DEAF1: variants seen among roughly 807,000 people sequenced by gnomAD.
DEAF1 encodes DEAF1 transcription factor.
Under a neutral mutation model 58.9 loss-of-function variants are expected in DEAF1, and 53 were observed. The observed-to-expected ratio is 0.90, with a 90% CI of 0.72 to 1.13. The LOEUF is 1.13. Among genes scored for constraint, DEAF1 ranks in the 50% most tolerant of loss-of-function variants. The pLI, the probability that DEAF1 is intolerant of heterozygous loss-of-function variation, is 0.00. For synonymous variants in DEAF1, 385 were observed against 340.4 expected (o/e 1.13, Z -1.44); for missense variants, 685 against 791.4 (o/e 0.87, Z 1.61).
chr11:682,095 C>G (rs1029945700), intron 6 of DEAF1, among the ~76,000 whole-genome samples: 10 of 152,258 alleles, frequency 6.6e-5, no homozygotes, highest in African/African-American at 2.4e-4. Context: ...CCTGGGGCGG[C>G]CTCGGCTGCT....
upstream of DEAF1, chr11:700,152 T>G: frequency 6.2e-7 from 1 of 1,614,114 alleles, no homozygotes; most frequent in Non-Finnish European, 8.5e-7. Context: ...CTCTCTTCAG[T>G]TCCCCTTCAA....
Position 644,293 on chromosome 11 carries a change from C to T in DEAF1, c.*257G>A. 1.7e-6 allele frequency: 1 copy of T among 585,232 alleles called. No homozygotes were observed. The highest frequency in any genetic ancestry group is 3.1e-6 in the Non-Finnish European group (1 of 325,832). The allele number at this position is 585,232 out of a possible 1,614,324, so 36.3% of individuals were successfully genotyped here. A position where few individuals can be genotyped will look rare whatever the true frequency, so the allele number is the denominator to read the frequency against. On this transcript the variant is annotated 3_prime_UTR_variant, in exon 12 of 12. Coordinates refer to ENST00000382409, the MANE Select transcript of DEAF1 (RefSeq NM_021008.4). This position sits in a 1 kb window ranked among gnomAD's most constrained non-coding sequence, Gnocchi z 4.3. The stretch of plus-strand genomic sequence containing the variant: ...TATGTATGTGCGTCGCAGCACAGGC[C>T]CTGTGGGCAAGACCGGACGCTCATG...
upstream of DEAF1, among the ~76,000 whole-genome samples, chr11:698,274 C>T (rs1022675079): frequency 6.6e-6 from 1 of 152,050 alleles, no homozygotes; most frequent in Non-Finnish European, 1.5e-5. Context: ...AGAGACTCCA[C>T]TCACTCCTCG....
chr11:695,403 C>G, upstream of DEAF1: 2 of 422,220 alleles, frequency 4.7e-6, no homozygotes. Context: ...TCGGCCCCTG[C>G]TCTCCTCACT....
intron 1 of DEAF1, among the ~76,000 whole-genome samples, chr11:692,696 T>C (rs1196917626): frequency 6.6e-6 from 1 of 151,662 alleles, no homozygotes; most frequent in Admixed American, 6.6e-5. Context: ...CTACTAAAAA[T>C]ACAAAATTAG....
At chr11:659,546 G>A (rs751728151) in intron 10 of DEAF1, among the ~76,000 whole-genome samples, 51 of 152,198 alleles carry the variant, frequency 3.4e-4, no homozygotes, top group Non-Finnish European at 5.4e-4. Context: ...CAGGAGCCTC[G>A]ATGGAGCCAA....
At chr11:656,589 C>T (rs1466421330) in intron 10 of DEAF1, among the ~76,000 whole-genome samples, 2 of 152,244 alleles carry the variant, frequency 1.3e-5, no homozygotes, top group Non-Finnish European at 2.9e-5. Flanking sequence ...GGTCCAGCCC[C>T]TCACAGACAG....
At chr11:652,596 C>T (rs1858827674) in intron 11 of DEAF1, among the ~76,000 whole-genome samples, 1 of 151,526 alleles carries the variant, frequency 6.6e-6, no homozygotes, top group African/African-American at 2.4e-5. Context: ...CGAGATCTTG[C>T]CACTGCACTC....
intron 1 of DEAF1, chr11:700,603 T>A (rs750407388): frequency 6.2e-7 from 1 of 1,612,528 alleles, no homozygotes; most frequent in South Asian, 1.1e-5. Flanking sequence ...CGTCCGCGCC[T>A]CTGCTCTTCA....
chr11:687,222 AGT>A (rs1337301238), intron 4 of DEAF1, among the ~76,000 whole-genome samples: 3 of 152,186 alleles, frequency 2.0e-5, no homozygotes, highest in Non-Finnish European at 4.4e-5. Context: ...GTCCACAGGC[AGT>A]GCAAGCTCAA....
intron 11 of DEAF1, among the ~76,000 whole-genome samples, chr11:649,290 C>T (rs574495391): frequency 1.3e-5 from 2 of 151,074 alleles, no homozygotes; most frequent in Admixed American, 6.6e-5. Context: ...GGCATGGTGG[C>T]GGGTGCCTGT....
chr11:671,916 T>C (rs1859846049), intron 10 of DEAF1, among the ~76,000 whole-genome samples: 2 of 151,822 alleles, frequency 1.3e-5, no homozygotes, highest in Non-Finnish European at 2.9e-5. Context: ...AAAAAGCTCT[T>C]CTGCTCGCCT....
upstream of DEAF1, among the ~76,000 whole-genome samples, chr11:698,604 A>C (rs986762068): frequency 1.6e-4 from 25 of 152,142 alleles, no homozygotes; most frequent in African/African-American, 6.0e-4. Flanking sequence ...GGTCTGGCCC[A>C]GGTTCACTTC....
intron 10 of DEAF1, 97 bp from the exon 11 acceptor site, chr11:654,148 TC>T: frequency 3.6e-6 from 3 of 823,958 alleles, no homozygotes; most frequent in East Asian, 2.7e-5. Flanking sequence ...GGCCCCAAGT[TC>T]CCCCCATTGG....
chr11:700,956 A>G (rs911136013), intron 1 of DEAF1: 25 of 548,018 alleles, frequency 4.6e-5, no homozygotes, highest in Middle Eastern at 9.7e-4. Flanking sequence ...GTCTTGTAGA[A>G]GCCACTGGGT....
chr11:688,190 C>G lies in DEAF1; in HGVS notation c.518-133G>C. 1 of 1,524,632 alleles carries G rather than the reference C, an allele frequency of 6.6e-7. No homozygotes were observed. Among genetic ancestry groups the G allele is most frequent in the Non-Finnish European group, 8.9e-7 (1 of 1,123,124 alleles). The allele number at this position is 1,524,632 out of a possible 1,614,324, so 94.4% of individuals were successfully genotyped here. On this transcript the variant is annotated intron_variant, in intron 3 of 11. Coordinates refer to ENST00000382409, the MANE Select transcript of DEAF1 (RefSeq NM_021008.4). This position sits in a 1 kb window ranked among gnomAD's most constrained non-coding sequence, Gnocchi z 4.3. ...AAAAACTTCTTGGTCAGGAAAATTCCAATGCTTTTACTTAAAATCTATTAA... is the reference window on the plus strand; with the variant it reads ...AAAAACTTCTTGGTCAGGAAAATTCGAATGCTTTTACTTAAAATCTATTAA...
intron 9 of DEAF1, among the ~76,000 whole-genome samples, chr11:675,490 C>A (rs1406214931): frequency 6.6e-6 from 1 of 152,142 alleles, no homozygotes; most frequent in African/African-American, 2.4e-5. Context: ...GACTGCGCCA[C>A]CGTCCTTCGG....
chr11:699,042 T>C (rs1174914284), upstream of DEAF1: 1 of 884,814 alleles, frequency 1.1e-6, no homozygotes, highest in Non-Finnish European at 1.8e-6. Context: ...AGAGAGTTGA[T>C]GTAACTTCCT....
At chr11:680,427 AT>A in intron 7 of DEAF1, among the ~76,000 whole-genome samples, 1 of 152,312 alleles carries the variant, frequency 6.6e-6, no homozygotes, top group East Asian at 1.9e-4. Flanking sequence ...ACCTCTCCCC[AT>A]TTAAATCCTG....
Sources: allele counts gnomAD v4.1 joint callset (sites outside exome capture counted in the v4.1 genomes callset), GRCh38; gene constraint gnomAD v4.1.1; non-coding constraint Gnocchi (gnomAD v3.1); transcripts MANE v1.5; gene names NCBI Gene and HGNC (gene_info 2026-07-23, HGNC 2026-07-21).